PKD1: variants seen among roughly 807,000 people sequenced by gnomAD.
PKD1 encodes the protein polycystin 1, transient receptor potential channel interacting, also known as polycystin-1.
PKD1 carries 81 observed loss-of-function variants against 361.7 expected under a neutral mutation model. That is an observed-to-expected ratio of 0.22 (90% CI 0.19 to 0.27). PKD1 has a LOEUF of 0.27. Ranked by LOEUF, PKD1 falls within the 10% of genes least tolerant of loss-of-function variation. PKD1 has a pLI of 1.00. For missense variants in PKD1, 6,399 were observed against 6,118.3 expected, an observed-to-expected ratio of 1.05 and a Z score of -1.53; for synonymous variants, 3,615 against 2,818.3, an observed-to-expected ratio of 1.28 and a Z score of -8.95.
chr16:2,124,652 C>T (rs1468963814), intron 1 of PKD1, among the ~76,000 whole-genome samples: 1 of 152,226 alleles, frequency 6.6e-6, no homozygotes, highest in Non-Finnish European at 1.5e-5. Flanking sequence ...GCCCACTCCC[C>T]AGACCAGATG....
rs780429998 is a variant in PKD1, at chr16:2,109,702, G to A, written c.5465C>T (p.Ser1822Phe). 7 of 1,596,928 alleles carry A rather than the reference G, an allele frequency of 4.4e-6. No individual in the cohort carries two copies. The highest frequency in any genetic ancestry group is 1.1e-5 in the South Asian group (1 of 89,334). ...GGCCAGCTGCCCCCAAAAGGGCACAGAGGACCCGGCCGCCACGAAGCTGCC... is the reference window on the plus strand; with the variant it reads ...GGCCAGCTGCCCCCAAAAGGGCACAAAGGACCCGGCCGCCACGAAGCTGCC... ...PGGSFVAAGS[S>F]VPFWGQLATG... Residue 1822 changes from serine to phenylalanine, a missense_variant, in exon 15 of 46, where the codon TCT (serine) becomes TTT (phenylalanine). Ser to Phe is a radical substitution (Grantham distance 155). Transcript: ENST00000262304.
chr16:2,091,204 GGGA>G, intron 42 of PKD1, 30 bp from the exon 43 acceptor site: 3 of 1,291,800 alleles, frequency 2.3e-6, no homozygotes, highest in Non-Finnish European at 3.0e-6. Flanking sequence ...GAGGGCGGGA[GGGA>G]CGCTGCCGGG....
Position 2,100,296 on chromosome 16 carries a change from G to A in PKD1, c.9582C>T (p.Ala3194=), listed in dbSNP as rs1399957695. The A allele has an allele frequency of 3.1e-6, 5 of 1,610,784 alleles. No individual in the cohort carries two copies. The highest frequency in any genetic ancestry group is 4.2e-6 in the Non-Finnish European group (5 of 1,179,724). ...VWHDNKGLSP[A]WFLQHVIVRD... ...TGACGATGACGTGCTGCAGGAACCA[G>A]GCAGGGCTGAGCCCTGCAGAGGCGC... The change falls in exon 28 of 46, where the codon GCC becomes GCT. Residue 3194 remains alanine, a synonymous_variant. Coordinates refer to ENST00000262304, the MANE Select transcript of PKD1 (RefSeq NM_001009944.3). The surrounding 1 kb of genome is among the most constrained non-coding windows in gnomAD (Gnocchi z 4.4).
At position 2,116,909 on chromosome 16, in the gene PKD1, C is replaced by A. The variant is rs1380141267; in HGVS notation, c.1530G>T (p.Arg510=). The change falls in exon 7 of 46, where the codon CGG becomes CGT. Residue 510 remains arginine, a synonymous_variant. Coordinates refer to ENST00000262304, the MANE Select transcript of PKD1 (RefSeq NM_001009944.3). ...TGTTACACCACCCGGTGGGCCCGAGCCGGACGCAGTGCTCGGCTGTGGCTG... is the reference window on the plus strand; with the variant it reads ...TGTTACACCACCCGGTGGGCCCGAGACGGACGCAGTGCTCGGCTGTGGCTG... ...PHPATAEHCV[R]LGPTGWCNTD... 2.0e-6 allele frequency: 3 copies of A among 1,520,238 alleles called. No homozygotes were observed. In the African/African-American group the frequency reaches 4.1e-5, roughly 21 times the overall value. 94.2% of individuals were successfully genotyped at this position (1,520,238 alleles called of 1,614,324 possible). A position where few individuals can be genotyped will look rare whatever the true frequency, so the allele number is the denominator to read the frequency against.
chr16:2,135,075 A>T, intron 1 of PKD1: 2 of 973,082 alleles, frequency 2.1e-6, no homozygotes, highest in Non-Finnish European at 2.4e-6. Flanking sequence ...ACATCCATCA[A>T]ATCCTTTTCC....
chr16:2,099,364 G>A (rs866371806), intron 30 of PKD1: 34 of 479,458 alleles, frequency 7.1e-5, no homozygotes, highest in Middle Eastern at 6.2e-4. Context: ...GCACAGCCGC[G>A]TGCTTGCTTC....
intron 20 of PKD1, 152 bp from the exon 21 acceptor site, chr16:2,105,626 A>T (rs2092310891): frequency 6.5e-7 from 1 of 1,548,566 alleles, no homozygotes; most frequent in South Asian, 1.2e-5. Flanking sequence ...CTTCATGGGC[A>T]AAACAGGGTA....
In PKD1 at chr16:2,090,402, G is replaced by A. The variant is rs1204993626; in HGVS notation, c.12327C>T (p.Arg4109=). 1.9e-6 allele frequency: 3 copies of A among 1,612,564 alleles called. No individual in the cohort carries two copies. ...LRLGAVILRW[R]YHALRGELYR... ...ACAGCTCTCCACGCAAGGCGTGGTAGCGCCAGCGGAGAATAACAGCCCCCA... is the reference window on the plus strand; with the variant it reads ...ACAGCTCTCCACGCAAGGCGTGGTAACGCCAGCGGAGAATAACAGCCCCCA... Residue 4109 remains arginine (R), a synonymous_variant, in exon 45 of 46, where the codon CGC becomes CGT. Coordinates refer to ENST00000262304, the MANE Select transcript of PKD1 (RefSeq NM_001009944.3).
chr16:2,099,552 C>G (rs923630824), intron 30 of PKD1, 92 bp downstream of exon 30: 2 of 1,260,896 alleles, frequency 1.6e-6, no homozygotes, highest in Non-Finnish European at 2.2e-6. Flanking sequence ...GCCTTTCCCT[C>G]TGGCTGCAGC....
chr16:2,107,434 A>T, intron 16 of PKD1: 1 of 359,966 alleles, frequency 2.8e-6, no homozygotes, highest in South Asian at 2.4e-5. Flanking sequence ...GGGACTGGGG[A>T]ACAGACGCCC....
At position 2,091,882 on chromosome 16, in the gene PKD1, G is replaced by A. The variant is rs201371972; in HGVS notation, c.11436C>T (p.Ala3812=). ...LLGAWSWGSC[A]VYDSGGYVQE... ...GCACGTAGCCCCCGCTGTCATACACGGCACAGGAGCCCCAGGACCATGCCC... is the reference window on the plus strand; with the variant it reads ...GCACGTAGCCCCCGCTGTCATACACAGCACAGGAGCCCCAGGACCATGCCC... The change falls in exon 41 of 46, where the codon GCC becomes GCT. Residue 3812 remains alanine (A), a synonymous_variant. Transcript: ENST00000262304. 2 of 1,611,372 alleles carry A rather than the reference G, an allele frequency of 1.2e-6. No individual in the cohort carries two copies. Among genetic ancestry groups the A allele is most frequent in the South Asian group, 1.1e-5 (1 of 91,018 alleles).
intron 41 of PKD1, 36 bp from the exon 42 acceptor site, chr16:2,091,633 C>A: frequency 6.4e-7 from 1 of 1,560,008 alleles, no homozygotes; most frequent in Non-Finnish European, 8.6e-7. Flanking sequence ...GAGCGGGTGG[C>A]AGGGCGGGAG....
rs537053308 is a variant in PKD1 at position 2,102,518 on chromosome 16, C to T, written c.9064G>A (p.Asp3022Asn). ...TSLCQYFSEE[D>N]MVWRTEGLLP... ...AGCCCCTCTGTCCGCCACACCATGT[C>T]CTCCTCGCTGAAGTACTGGCACAGG... Residue 3022 changes from aspartate (D) to asparagine (N), a missense_variant, in exon 25 of 46, where the codon GAC (aspartate) becomes AAC (asparagine). Asp to Asn is a conservative substitution (Grantham distance 23). Coordinates refer to ENST00000262304, the MANE Select transcript of PKD1 (RefSeq NM_001009944.3). 2.5e-6 allele frequency: 4 copies of T among 1,604,070 alleles called. No individual in the cohort carries two copies. The highest frequency in any genetic ancestry group is 2.2e-4 in the Middle Eastern group (1 of 4,518).
chr16:2,111,919 C>T (rs2092517853), intron 14 of PKD1, 48 bp from the exon 15 acceptor site: 1 of 1,600,872 alleles, frequency 6.2e-7, no homozygotes, highest in Non-Finnish European at 8.5e-7. Context: ...CCCACCTGCT[C>T]CCCACCCGCT....
Position 2,091,178 on chromosome 16 carries a change from T to G in PKD1, c.11713-4A>C, listed in dbSNP as rs755190615. On this transcript the variant is annotated splice_polypyrimidine_tract_variant and splice_region_variant and intron_variant, in intron 42 of 45. Coordinates refer to ENST00000262304, the MANE Select transcript of PKD1 (RefSeq NM_001009944.3). ...CGGCGAACAGCAGCAGGCACACCTG[T>G]GGGGGGCGCGGTCAGGAGGGCGGGA... 1 of 1,266,210 alleles carries G rather than the reference T, an allele frequency of 7.9e-7. No homozygotes were observed. Among genetic ancestry groups the G allele is most frequent in the South Asian group, 1.5e-5 (1 of 66,222 alleles). 78.4% of individuals were successfully genotyped at this position (1,266,210 alleles called of 1,614,324 possible).
In PKD1 at chr16:2,111,550, A is replaced by G; in HGVS notation, c.3617T>C (p.Val1206Ala). The G allele has an allele frequency of 1.3e-6, 2 of 1,592,836 alleles. No homozygotes were observed. The highest frequency in any genetic ancestry group is 2.7e-5 in the African/African-American group (2 of 74,614). Residue 1206 changes from valine (V) to alanine (A), a missense_variant, in exon 15 of 46, where the codon GTG becomes GCG. Physicochemically the swap from Val to Ala is moderately conservative, Grantham distance 64 (BLOSUM62 0). Coordinates refer to ENST00000262304, the MANE Select transcript of PKD1 (RefSeq NM_001009944.3). ...TVSGAAAQAD[V>A]RVFEELRGLS... The stretch of plus-strand genomic sequence containing the variant: ...TCCGCGGAGCTCCTCAAAGACGCGC[A>G]CATCCGCCTGGGCCGCCGCACCGCT...
rs1448608581 is a variant in PKD1 at position 2,114,693 on chromosome 16, T to A, written c.2330A>T (p.Gln777Leu). Residue 777 changes from glutamine (Q) to leucine (L), a missense_variant, in exon 11 of 46, where the codon CAG (glutamine) becomes CTG (leucine). Transcript: ENST00000262304. ...CCTCAAGCCCAGCAGCACGGTGAGC[T>A]GTTCCGTGGCTGCAAGCAGCCGCAG... Reference protein sequence around the residue: ...CALRLLAATEQLTVLLGLRPN... With the variant: ...CALRLLAATELLTVLLGLRPN... 57 of 1,537,132 alleles carry A rather than the reference T, an allele frequency of 3.7e-5. No homozygotes were observed. Among genetic ancestry groups the A allele is most frequent in the Non-Finnish European group, 4.7e-5 (54 of 1,148,828 alleles).
Position 2,107,995 on chromosome 16 carries a change from C to T in PKD1, c.6953G>A (p.Arg2318His), listed in dbSNP as rs1257259960. The T allele has an allele frequency of 2.1e-5, 32 of 1,548,242 alleles. No individual in the cohort carries two copies. The highest frequency in any genetic ancestry group is 1.6e-4 in the African/African-American group (12 of 73,070). The change falls in exon 16 of 46, where the codon CGC becomes CAC. Residue 2318 changes from arginine to histidine, a missense_variant. By Grantham distance (29) the Arg-to-His change is conservative. Transcript: ENST00000262304. ...AGGCALNFGP[R>H]GSSTVTIPRE... is the part of the protein sequence containing the mutation. ...TGGAATGGTGACCGTGCTGCTCCCG[C>T]GGGGCCCAAAGTTCAGCGCACACCC... is the stretch of plus-strand genomic sequence containing the variant.
intron 32 of PKD1, 44 bp from the exon 33 acceptor site, chr16:2,097,547 A>C (rs777222134): frequency 1.2e-6 from 2 of 1,603,408 alleles, no homozygotes; most frequent in South Asian, 2.2e-5. Flanking sequence ...GATGTGTCAC[A>C]CACACAGCCC....
Sources: allele counts gnomAD v4.1 joint callset (sites outside exome capture counted in the v4.1 genomes callset), GRCh38; gene constraint gnomAD v4.1.1; non-coding constraint Gnocchi (gnomAD v3.1); transcripts MANE v1.5; gene names NCBI Gene and HGNC (gene_info 2026-07-23, HGNC 2026-07-21).